Variants in ATRN observed in about 807,000 individuals in gnomAD.
ATRN encodes the protein attractin.
In ATRN, 54 loss-of-function variants were observed where a neutral mutation model predicts 178.7. The ratio of observed to expected loss-of-function variants is 0.30; its 90% CI spans 0.24 to 0.38. ATRN has a LOEUF of 0.38. Among genes scored for constraint, ATRN ranks in the 10% least tolerant of loss-of-function variants. The probability of loss-of-function intolerance (pLI) is 1.00; values close to 1 mark genes in which losing one functional copy is unlikely to be tolerated. For synonymous variants in ATRN, 636 were observed against 663.0 expected (o/e 0.96, Z 0.63); for missense variants, 1,443 against 1,815.1 (o/e 0.79, Z 3.73).
intron 1 of ATRN, among the ~76,000 whole-genome samples, chr20:3,497,151 GT>G (rs1198063223): frequency 1.4e-5 from 2 of 147,842 alleles, no homozygotes; most frequent in Non-Finnish European, 3.0e-5. Context: ...GGAGCATTTA[GT>G]CCATTTACAT....
intron 14 of ATRN, among the ~76,000 whole-genome samples, chr20:3,578,148 CAG>C (rs1451502575): frequency 6.6e-6 from 1 of 152,194 alleles, no homozygotes; most frequent in Admixed American, 6.5e-5. Flanking sequence ...GATATGAAAA[CAG>C]TGCAGCTTTT....
intron 22 of ATRN, among the ~76,000 whole-genome samples, chr20:3,600,542 T>G (rs1170976632): frequency 6.6e-6 from 1 of 152,182 alleles, no homozygotes; most frequent in Non-Finnish European, 1.5e-5. Context: ...AATATAATTT[T>G]GGGCACTTGA....
At chr20:3,554,077 T>C (rs1189984051) in intron 6 of ATRN, among the ~76,000 whole-genome samples, 3 of 152,158 alleles carry the variant, frequency 2.0e-5, no homozygotes, top group Non-Finnish European at 4.4e-5. Context: ...CAAACATCTG[T>C]TCCTGGAAAT....
In ATRN at chr20:3,472,309, G is replaced by A. The variant is rs148196781; in HGVS notation, c.410+792G>A. Among the ~76,000 whole-genome samples the A allele has an allele frequency of 1.2e-4, 18 of 152,322 alleles. No homozygotes were observed. In the East Asian group the frequency reaches 3.5e-3, roughly 29 times the overall value. On this transcript the variant is annotated intron_variant, in intron 1 of 28. Coordinates refer to ENST00000262919, the MANE Select transcript of ATRN (RefSeq NM_139321.3). ...ATACAGACAGATTAGCCAGACTTTG[G>A]CCTTGTCCACAGGGAGTTTGGAATA...
Position 3,645,824 on chromosome 20 carries a change from T to C in ATRN, c.4166-899T>C, listed in dbSNP as rs915424882. 1.3e-4 allele frequency among the ~76,000 whole-genome samples: 19 copies of C among 150,112 alleles called. No homozygotes were observed. The highest frequency in any genetic ancestry group is 4.4e-4 in the African/African-American group (18 of 40,472). ...CTCCACTAACACAACTCCTGGCAGGTCTCAGCAGAGCTCCGAGCCTGCGCT... is the reference window on the plus strand; with the variant it reads ...CTCCACTAACACAACTCCTGGCAGGCCTCAGCAGAGCTCCGAGCCTGCGCT... On this transcript the variant is annotated intron_variant, in intron 28 of 28. Coordinates refer to ENST00000262919, the MANE Select transcript of ATRN (RefSeq NM_139321.3). This position sits in a 1 kb window ranked among gnomAD's most constrained non-coding sequence, Gnocchi z 4.7.
At chr20:3,599,738 G>T (rs921154840) in intron 22 of ATRN, among the ~76,000 whole-genome samples, 4 of 152,168 alleles carry the variant, frequency 2.6e-5, no homozygotes, top group African/African-American at 9.7e-5. Context: ...GGGGGTCCTG[G>T]AACCGATGAC....
chr20:3,608,999 C>T (rs2086720808), intron 24 of ATRN, among the ~76,000 whole-genome samples: 1 of 147,582 alleles, frequency 6.8e-6, no homozygotes, highest in Admixed American at 6.8e-5. Flanking sequence ...AAAAGAAATG[C>T]TTTGGCTATT....
At chr20:3,543,777 A>G (rs2085659283) in intron 3 of ATRN, among the ~76,000 whole-genome samples, 1 of 151,992 alleles carries the variant, frequency 6.6e-6, no homozygotes, top group South Asian at 2.1e-4. Flanking sequence ...TCAGGCCTGT[A>G]ACCCCAACAC....
intron 1 of ATRN, among the ~76,000 whole-genome samples, chr20:3,511,424 AT>A (rs1421548715): frequency 2.6e-5 from 4 of 151,806 alleles, no homozygotes; most frequent in African/African-American, 7.2e-5. Flanking sequence ...AATCAGGAGG[AT>A]TTTTTTTAGT....
rs1426509086 is a variant in ATRN, at chr20:3,487,278, G to A, written c.410+15761G>A. Among the ~76,000 whole-genome samples, 8 of 152,098 alleles carry A rather than the reference G, an allele frequency of 5.3e-5. No individual in the cohort carries two copies. In the South Asian group the frequency reaches 1.2e-3, roughly 24 times the overall value. The stretch of plus-strand genomic sequence containing the variant: ...TGAGACCGAGTCTTCTTGTTGCCCA[G>A]GCTGGAGTGCAGTGGCATGATCTCG... On this transcript the variant is annotated intron_variant, in intron 1 of 28. Coordinates refer to ENST00000262919, the MANE Select transcript of ATRN (RefSeq NM_139321.3).
At chr20:3,588,983 T>TTTG (rs1422250185) in intron 18 of ATRN, among the ~76,000 whole-genome samples, 8 of 107,898 alleles carry the variant, frequency 7.4e-5, no homozygotes, top group African/African-American at 3.8e-4. Context: ...TTTCTTTTGT[T>TTTG]TTTTTTTTTT....
chr20:3,545,777 T>A lies in ATRN; in HGVS notation c.624T>A (p.Pro208=). The change falls in exon 4 of 29, where the codon CCT becomes CCA. Residue 208 remains proline, a synonymous_variant. Coordinates refer to ENST00000262919, the MANE Select transcript of ATRN (RefSeq NM_139321.3). ...LVAAFSGLIV[P]ERDGNETVPE... ...TTCATTTCAGTGGCCTCATTGTTCC[T>A]GAGAGAGATGGCAATGAGACTGTCC... 6.2e-7 allele frequency: 1 copy of A among 1,614,036 alleles called. No homozygotes were observed. Among genetic ancestry groups the A allele is most frequent in the Non-Finnish European group, 8.5e-7 (1 of 1,179,932 alleles).
intron 1 of ATRN, among the ~76,000 whole-genome samples, chr20:3,519,006 TAAA>T (rs577864057): frequency 8.4e-6 from 1 of 119,488 alleles, no homozygotes; most frequent in African/African-American, 3.4e-5. Context: ...TCCTTATATA[TAAA>T]AAAAAAAAAA....
Position 3,646,918 on chromosome 20 carries a change from G to A in ATRN, c.*71G>A, listed in dbSNP as rs935383218. ...ACCAGAGCCATCTGCAGGGAAGGGCGTGGCGGGGAAATGGCTGTGCGGTGC... is the reference window on the plus strand; with the variant it reads ...ACCAGAGCCATCTGCAGGGAAGGGCATGGCGGGGAAATGGCTGTGCGGTGC... On this transcript the variant is annotated 3_prime_UTR_variant, in exon 29 of 29. Coordinates refer to ENST00000262919, the MANE Select transcript of ATRN (RefSeq NM_139321.3). The A allele has an allele frequency of 1.3e-5, 21 of 1,579,022 alleles. No homozygotes were observed. The highest frequency in any genetic ancestry group is 3.6e-5 in the Admixed American group (2 of 56,220).
intron 24 of ATRN, among the ~76,000 whole-genome samples, chr20:3,610,499 A>G (rs921298957): frequency 6.6e-6 from 1 of 151,244 alleles, no homozygotes; most frequent in Non-Finnish European, 1.5e-5. Flanking sequence ...GGCTCAAGTA[A>G]CCCTCTCACC....
chr20:3,549,099 TA>T (rs1419950808), intron 5 of ATRN, 70 bp from the exon 6 acceptor site: 86 of 1,232,918 alleles, frequency 7.0e-5, no homozygotes, highest in Non-Finnish European at 9.6e-5. Flanking sequence ...TACATTTAGA[TA>T]ATTAAAACTT....
Position 3,638,138 on chromosome 20 carries a change from T to A in ATRN, c.3943-690T>A, listed in dbSNP as rs1468809718. Reference sequence around the variant, plus strand: ...TTATCTTTATTTTCTTATTTTACTTTAAGTTCTGGGATACATGTACAGAAC... The same window carrying A: ...TTATCTTTATTTTCTTATTTTACTTAAAGTTCTGGGATACATGTACAGAAC... On this transcript the variant is annotated intron_variant, in intron 26 of 28. Transcript: ENST00000262919. This position sits in a 1 kb window ranked among gnomAD's most constrained non-coding sequence, Gnocchi z 4.5. Among the ~76,000 whole-genome samples, 5 of 152,228 alleles carry A rather than the reference T, an allele frequency of 3.3e-5. No homozygotes were observed. The highest frequency in any genetic ancestry group is 9.6e-5 in the African/African-American group (4 of 41,460).
At chr20:3,477,058 A>T (rs2084541951) in intron 1 of ATRN, among the ~76,000 whole-genome samples, 1 of 145,770 alleles carries the variant, frequency 6.9e-6, no homozygotes, top group South Asian at 2.3e-4. Context: ...TCACAAGTCC[A>T]GTTTAGGCTG....
intron 11 of ATRN, among the ~76,000 whole-genome samples, chr20:3,568,962 G>GT: frequency 6.6e-6 from 1 of 152,260 alleles, no homozygotes; most frequent in African/African-American, 2.4e-5. Context: ...AGGGACACTT[G>GT]TTTGTAGTAT....
Sources: gnomAD v4.1 joint callset for allele counts (sites outside exome capture counted in the v4.1 genomes callset) on GRCh38, gnomAD v4.1.1 for gene constraint, Gnocchi (gnomAD v3.1) non-coding constraint, MANE v1.5 for transcripts, NCBI Gene and HGNC (gene_info 2026-07-23, HGNC 2026-07-21) for gene names.